The following ADK variants were observed in gnomAD, a reference collection of about 807,000 sequenced individuals.
ADK encodes adenosine kinase.
A neutral mutation model predicts 44.7 loss-of-function variants in ADK; 24 were observed. The observed-to-expected ratio is 0.54, with a 90% confidence interval of 0.39 to 0.76. The LOEUF (loss-of-function observed/expected upper bound fraction) is 0.76. Ranked by LOEUF, ADK falls within the 30% of genes least tolerant of loss-of-function variation. The probability of loss-of-function intolerance (pLI) is 0.00; values close to 1 mark genes in which losing one functional copy is unlikely to be tolerated. For synonymous variants in ADK, 128 were observed against 142.6 expected (o/e 0.90, Z 0.73); for missense variants, 321 against 425.1 (o/e 0.76, Z 2.15).
intron 6 of ADK, among the ~76,000 whole-genome samples, chr10:74,487,364 T>G (rs966339305): frequency 3.3e-5 from 5 of 152,008 alleles, no homozygotes; most frequent in African/African-American, 1.2e-4. Flanking sequence ...TACATTAATG[T>G]TTTATTAAAC....
chr10:74,702,422 T>C (rs1856455622), intron 10 of ADK, among the ~76,000 whole-genome samples: 1 of 151,774 alleles, frequency 6.6e-6, no homozygotes, highest in African/African-American at 2.4e-5. Context: ...GACCTTGTGA[T>C]CCGCCCCCCT....
intron 9 of ADK, among the ~76,000 whole-genome samples, chr10:74,601,694 A>G (rs1453269585): frequency 6.6e-6 from 1 of 152,074 alleles, no homozygotes; most frequent in African/African-American, 2.4e-5. Flanking sequence ...AAAAAGAAAG[A>G]AAAGTTTTTT....
chr10:74,667,742 G>T (rs189428516), intron 9 of ADK, among the ~76,000 whole-genome samples: 351 of 151,670 alleles, frequency 2.3e-3, no homozygotes, highest in Non-Finnish European at 2.5e-3. Context: ...TTACCATGTT[G>T]CCCAGGCTGG....
intron 3 of ADK, among the ~76,000 whole-genome samples, chr10:74,261,937 C>T (rs1311984520): frequency 6.6e-6 from 1 of 151,512 alleles, no homozygotes; most frequent in Admixed American, 6.6e-5. Flanking sequence ...GAAATTTCTT[C>T]TCTACTATTT....
chr10:74,224,538 G>A lies in ADK; in HGVS notation c.141G>A (p.Lys47=), dbSNP rs773670440. Residue 47 remains lysine, a splice_region_variant and synonymous_variant, in exon 3 of 11, where the codon AAG becomes AAA. Coordinates refer to ENST00000539909, the MANE Select transcript of ADK (RefSeq NM_006721.4). ...SAVVDKDFLD[K]YSLKPNDQIL... Reference sequence around the variant, plus strand: ...TGTAATTTTCGTTTCTGTTATACAGGTATTCTCTGAAACCAAATGACCAAA... The same window carrying A: ...TGTAATTTTCGTTTCTGTTATACAGATATTCTCTGAAACCAAATGACCAAA... The A allele has an allele frequency of 3.6e-5, 58 of 1,613,096 alleles. No individual in the cohort carries two copies. Among genetic ancestry groups the A allele is most frequent in the Non-Finnish European group, 4.8e-5 (57 of 1,179,432 alleles).
chr10:74,422,788 T>A (rs192581837), intron 6 of ADK, among the ~76,000 whole-genome samples: 114 of 152,256 alleles, frequency 7.5e-4, no homozygotes, highest in African/African-American at 2.4e-3. Context: ...TACTCATCAT[T>A]GTGATTTAGT....
chr10:74,274,094 G>C (rs1465496545), intron 3 of ADK, among the ~76,000 whole-genome samples: 2 of 151,960 alleles, frequency 1.3e-5, no homozygotes, highest in Non-Finnish European at 2.9e-5. Flanking sequence ...TAGTAGTGCT[G>C]ACCCTTTGCA....
chr10:74,235,355 G>T (rs954027304), intron 3 of ADK, among the ~76,000 whole-genome samples: 2 of 151,946 alleles, frequency 1.3e-5, no homozygotes, highest in Non-Finnish European at 2.9e-5. Context: ...TTTTTCTTAA[G>T]AGGTGGTCTC....
intron 3 of ADK, among the ~76,000 whole-genome samples, chr10:74,304,552 G>T (rs1487346049): frequency 6.6e-6 from 1 of 152,040 alleles, no homozygotes; most frequent in Non-Finnish European, 1.5e-5. Flanking sequence ...AGGTGACAGG[G>T]ATACAAGATA....
chr10:74,473,888 G>A (rs1193938798), intron 6 of ADK, among the ~76,000 whole-genome samples: 1 of 152,136 alleles, frequency 6.6e-6, no homozygotes, highest in Non-Finnish European at 1.5e-5. Context: ...GAAGGATATA[G>A]CCACCACAGT....
chr10:74,610,921 A>G (rs1240706920), intron 9 of ADK, among the ~76,000 whole-genome samples: 1 of 152,156 alleles, frequency 6.6e-6, no homozygotes, highest in Non-Finnish European at 1.5e-5. Context: ...AAGTTTCTAT[A>G]CTAAATAAAT....
intron 3 of ADK, among the ~76,000 whole-genome samples, chr10:74,268,005 T>C (rs904828579): frequency 3.9e-5 from 6 of 152,156 alleles, no homozygotes; most frequent in Admixed American, 2.0e-4. Context: ...ATTGCACTTA[T>C]TTCTTTAAGG....
intron 3 of ADK, among the ~76,000 whole-genome samples, chr10:74,267,757 TGTGTG>T (rs1564625054): frequency 4.4e-4 from 56 of 127,238 alleles, no homozygotes; most frequent in Admixed American, 3.9e-4. Context: ...TCCTTATTTG[TGTGTG>T]TGTGTGTGTG....
intron 4 of ADK, among the ~76,000 whole-genome samples, chr10:74,331,768 G>C (rs1394333035): frequency 6.6e-6 from 1 of 152,214 alleles, no homozygotes; most frequent in Non-Finnish European, 1.5e-5. Flanking sequence ...TTATAGGCGT[G>C]AGCCACTGCA....
intron 7 of ADK, among the ~76,000 whole-genome samples, chr10:74,555,439 A>G (rs1174957322): frequency 6.6e-6 from 1 of 152,078 alleles, no homozygotes; most frequent in East Asian, 1.9e-4. Flanking sequence ...GAATTGTCAG[A>G]AAAACTTACT....
chr10:74,493,341 C>T (rs1156458685), intron 6 of ADK, among the ~76,000 whole-genome samples: 1 of 150,018 alleles, frequency 6.7e-6, no homozygotes, highest in Non-Finnish European at 1.5e-5. Flanking sequence ...CACCAACACA[C>T]CCAGCATGTA....
intron 7 of ADK, among the ~76,000 whole-genome samples, chr10:74,569,213 T>A (rs1850829061): frequency 6.6e-6 from 1 of 152,188 alleles, no homozygotes; most frequent in African/African-American, 2.4e-5. Context: ...TCTTTGCTAT[T>A]GTGAATAGTG....
chr10:74,488,589 GT>G (rs998053073), intron 6 of ADK, among the ~76,000 whole-genome samples: 1 of 150,036 alleles, frequency 6.7e-6, no homozygotes, highest in Non-Finnish European at 1.5e-5. Context: ...GCTTTTGTGA[GT>G]TTTTTTCCTT....
intron 3 of ADK, among the ~76,000 whole-genome samples, chr10:74,274,935 A>G (rs1458745791): frequency 6.6e-6 from 1 of 151,530 alleles, no homozygotes; most frequent in African/African-American, 2.4e-5. Flanking sequence ...AACTGAGTGC[A>G]GTACAGAAGC....
Sources: gnomAD v4.1 joint callset for allele counts (sites outside exome capture counted in the v4.1 genomes callset) on GRCh38, gnomAD v4.1.1 for gene constraint, MANE v1.5 for transcripts, NCBI Gene and HGNC (gene_info 2026-07-23, HGNC 2026-07-21) for gene names.